ROBO2: variants seen among roughly 807,000 people sequenced by gnomAD.
The protein encoded by ROBO2 is roundabout homolog 2.
In ROBO2, 53 loss-of-function variants were observed where a neutral mutation model predicts 160.8. The ratio of observed to expected loss-of-function variants is 0.33; its 90% CI spans 0.26 to 0.41. The LOEUF (loss-of-function observed/expected upper bound fraction) is 0.41. Ranked by LOEUF, ROBO2 falls within the 10% of genes least tolerant of loss-of-function variation. The pLI is 1.00. For synonymous variants in ROBO2, 664 were observed against 611.7 expected (o/e 1.09, Z -1.26); for missense variants, 1,577 against 1,722.4 (o/e 0.92, Z 1.49).
At chr3:76,641,834 C>T (rs2090691756) in intron 2 of ROBO2, among the ~76,000 whole-genome samples, 1 of 152,158 alleles carries the variant, frequency 6.6e-6, no homozygotes, top group Non-Finnish European at 1.5e-5. Flanking sequence ...AACTCCCGGA[C>T]TTAGGCCATC....
At chr3:76,393,847 T>A (rs2077281177) in intron 2 of ROBO2, among the ~76,000 whole-genome samples, 2 of 152,162 alleles carry the variant, frequency 1.3e-5, no homozygotes, top group African/African-American at 4.8e-5. Flanking sequence ...GGTCCAGGTT[T>A]TATTTGTATA....
At chr3:77,617,443 A>G in intron 21 of ROBO2, 70 bp from the exon 23 acceptor site, 17 of 1,556,912 alleles carry the variant, frequency 1.1e-5, no homozygotes, top group Non-Finnish European at 1.5e-5. Flanking sequence ...ACTTATTGCC[A>G]GTATAATTGT....
chr3:77,600,496 A>G (rs76056960), intron 19 of ROBO2, among the ~76,000 whole-genome samples: 4,201 of 152,248 alleles, frequency 0.028, 77 homozygotes, highest in South Asian at 0.05. Flanking sequence ...ACTTTTCTTC[A>G]TTGTTTAACA....
At chr3:77,123,214 T>C (rs2074958514) in intron 2 of ROBO2, among the ~76,000 whole-genome samples, 1 of 152,162 alleles carries the variant, frequency 6.6e-6, no homozygotes. Flanking sequence ...GTTCTGTGAA[T>C]TGATTTTTAG....
intron 5 of ROBO2, among the ~76,000 whole-genome samples, chr3:77,501,718 A>T (rs2087643485): frequency 6.6e-6 from 1 of 152,148 alleles, no homozygotes; most frequent in Non-Finnish European, 1.5e-5. Context: ...AGAAGAAAAA[A>T]AGAAACCAGA....
At chr3:76,662,177 C>A (rs1275191597) in intron 2 of ROBO2, among the ~76,000 whole-genome samples, 1 of 152,042 alleles carries the variant, frequency 6.6e-6, no homozygotes, top group Non-Finnish European at 1.5e-5. Context: ...AGAAGGGGTC[C>A]CTTCAGTTGG....
intron 2 of ROBO2, among the ~76,000 whole-genome samples, chr3:76,398,605 C>T (rs1301054064): frequency 6.6e-6 from 1 of 151,538 alleles, no homozygotes; most frequent in African/African-American, 2.4e-5. Flanking sequence ...ACTGTTGCAC[C>T]TCTAGGCAGT....
chr3:76,126,391 G>A (rs555211517), intron 2 of ROBO2, among the ~76,000 whole-genome samples: 11 of 151,946 alleles, frequency 7.2e-5, no homozygotes, highest in Admixed American at 2.6e-4. Flanking sequence ...ATATATTCAC[G>A]GTTGGACCTG....
rs1455289419 is a variant in ROBO2 at position 77,317,070 on chromosome 3, G to A, written c.389-160344G>A. 8.3e-6 allele frequency: 12 copies of A among 1,438,234 alleles called. No individual in the cohort carries two copies. In the Middle Eastern group the frequency reaches 1.2e-3, roughly 139 times the overall value. The allele number at this position is 1,438,234 out of a possible 1,614,324, so 89.1% of individuals were successfully genotyped here. A position where few individuals can be genotyped will look rare whatever the true frequency, so the allele number is the denominator to read the frequency against. On this transcript the variant is annotated intron_variant, in intron 2 of 25. Transcript: ENST00000461745. ...CGTCATTCACAGTAGTGTGAAGCTG[G>A]AATTCATCAGTCCTGTAGCCAACTG...
chr3:77,588,309 T>C (rs2153683233), intron 16 of ROBO2, among the ~76,000 whole-genome samples: 1 of 152,222 alleles, frequency 6.6e-6, no homozygotes, highest in Non-Finnish European at 1.5e-5. Context: ...TTACATGTTC[T>C]TGTGAATTAT....
intron 3 of ROBO2, 148 bp from the exon 4 acceptor site, chr3:77,480,951 C>T: frequency 3.0e-6 from 2 of 656,874 alleles, no homozygotes; most frequent in East Asian, 2.9e-5. Context: ...GAAAAGAAAA[C>T]ATACCTGCAA....
At chr3:77,506,105 T>C (rs2088481987) in intron 5 of ROBO2, among the ~76,000 whole-genome samples, 1 of 152,012 alleles carries the variant, frequency 6.6e-6, no homozygotes, top group Non-Finnish European at 1.5e-5. Context: ...AAACCTCAGG[T>C]CTCTCTAATA....
intron 2 of ROBO2, among the ~76,000 whole-genome samples, chr3:76,949,764 GTGGTGCA>G (rs2078849779): frequency 6.6e-6 from 1 of 152,224 alleles, no homozygotes; most frequent in African/African-American, 2.4e-5. Context: ...GCCAGGCACA[GTGGTGCA>G]GTCTATAGTC....
intron 2 of ROBO2, among the ~76,000 whole-genome samples, chr3:76,938,971 C>CAAAAAAAAAAAA (rs71629626): frequency 5.9e-4 from 68 of 114,576 alleles, no homozygotes; most frequent in African/African-American, 2.0e-3. Flanking sequence ...AACTCAGTCT[C>CAAAAAAAAAAAA]AAAAAAAAAA....
intron 2 of ROBO2, among the ~76,000 whole-genome samples, chr3:76,163,536 G>A (rs2072718175): frequency 6.7e-6 from 1 of 148,944 alleles, no homozygotes; most frequent in African/African-American, 2.4e-5. Context: ...TATTGTATAT[G>A]AATATATTTG....
At chr3:76,316,942 T>G (rs1238790460) in intron 2 of ROBO2, among the ~76,000 whole-genome samples, 3 of 152,214 alleles carry the variant, frequency 2.0e-5, no homozygotes, top group Non-Finnish European at 4.4e-5. Context: ...ATGTTGTTCT[T>G]GAAATAACCC....
At chr3:76,586,863 C>T (rs867890647) in intron 2 of ROBO2, among the ~76,000 whole-genome samples, 31 of 152,336 alleles carry the variant, frequency 2.0e-4, no homozygotes, top group Middle Eastern at 3.4e-3. Flanking sequence ...GGCTTTGCCA[C>T]ACTGATAGTG....
chr3:77,372,673 G>T (rs1383068685), intron 2 of ROBO2, among the ~76,000 whole-genome samples: 2 of 152,140 alleles, frequency 1.3e-5, no homozygotes, highest in Non-Finnish European at 2.9e-5. Context: ...TTGAATGGAA[G>T]TATACAATTC....
chr3:76,629,299 G>T (rs1313660653), intron 2 of ROBO2, among the ~76,000 whole-genome samples: 1 of 152,058 alleles, frequency 6.6e-6, no homozygotes, highest in Non-Finnish European at 1.5e-5. Context: ...TTTTCCAACT[G>T]CATTAGTCAG....
Sources: gnomAD v4.1 joint callset for allele counts (sites outside exome capture counted in the v4.1 genomes callset) on GRCh38, gnomAD v4.1.1 for gene constraint, MANE v1.5 for transcripts, NCBI Gene and HGNC (gene_info 2026-07-23, HGNC 2026-07-21) for gene names.